Variants in HECTD4 observed in about 807,000 individuals in gnomAD.
The protein encoded by HECTD4 is HECT domain E3 ubiquitin protein ligase 4, also known as probable E3 ubiquitin-protein ligase HECTD4.
In HECTD4, 114 loss-of-function variants were observed where a neutral mutation model predicts 471.5. That is an observed-to-expected ratio of 0.24 (90% CI 0.21 to 0.28). The LOEUF is 0.28. Ranked by LOEUF, HECTD4 falls within the 10% of genes least tolerant of loss-of-function variation. The probability of loss-of-function intolerance (pLI) is 1.00; values close to 1 mark genes in which losing one functional copy is unlikely to be tolerated. For missense variants in HECTD4, 3,866 were observed against 5,651.5 expected, an observed-to-expected ratio of 0.68 and a Z score of 10.13; for synonymous variants, 2,012 against 2,256.0, an observed-to-expected ratio of 0.89 and a Z score of 3.07.
intron 50 of HECTD4, among the ~76,000 whole-genome samples, chr12:112,209,751 A>G (rs1283831826): frequency 2.0e-5 from 3 of 152,208 alleles, no homozygotes; most frequent in African/African-American, 7.2e-5. Context: ...ACTTCATACA[A>G]AGTCCTGGGG....
In HECTD4 at chr12:112,195,322, C is replaced by T. The variant is rs140434027; in HGVS notation, c.8568-256G>A. 8.0e-3 allele frequency among the ~76,000 whole-genome samples: 1,223 copies of T among 152,292 alleles called. 6 individuals carry two copies. The highest frequency in any genetic ancestry group is 0.014 in the Non-Finnish European group (925 of 68,028). On this transcript the variant is annotated intron_variant, in intron 55 of 75. Coordinates refer to ENST00000682272, the MANE Select transcript of HECTD4 (RefSeq NM_001388303.1). The stretch of plus-strand genomic sequence containing the variant: ...ATACATGTCCGCACAAAAATTTGTA[C>T]ATGTATGTTCATAGTAGCATTATTC...
Position 112,324,036 on chromosome 12 carries a change from TC to T in HECTD4, c.178-4295del, listed in dbSNP as rs1412122337. On this transcript the variant is annotated intron_variant, in intron 1 of 75. Transcript: ENST00000682272. ...TTCCTTCCTTCCTTCCTTCCTTCCT[TC>T]CTTCCTTCCTTTCTTTCTTTCTTTC... Among the ~76,000 whole-genome samples, 3 of 54,804 alleles carry T rather than the reference TC, an allele frequency of 5.5e-5. 1 individual carries two copies. Among genetic ancestry groups the T allele is most frequent in the Admixed American group, 4.2e-4 (2 of 4,766 alleles). 36.0% of individuals were successfully genotyped at this position (54,804 alleles called of 152,430 possible). A position where few individuals can be genotyped will look rare whatever the true frequency, so the allele number is the denominator to read the frequency against.
chr12:112,350,682 G>C (rs1187840453), intron 1 of HECTD4, among the ~76,000 whole-genome samples: 1 of 152,122 alleles, frequency 6.6e-6, no homozygotes, highest in Non-Finnish European at 1.5e-5. Context: ...AAGTGAGTAA[G>C]ACTTTATTTC....
intron 18 of HECTD4, among the ~76,000 whole-genome samples, chr12:112,260,357 C>G (rs1003602413): frequency 3.3e-5 from 5 of 152,168 alleles, no homozygotes; most frequent in Non-Finnish European, 5.9e-5. Flanking sequence ...GACAGAACTA[C>G]GTATTACTAA....
At position 112,239,186 on chromosome 12, in the gene HECTD4, C is replaced by T. The variant is rs768327124; in HGVS notation, c.5156G>A (p.Arg1719Gln). Residue 1719 changes from arginine (R) to glutamine (Q), a missense_variant, in exon 34 of 76, where the codon CGA becomes CAA. Around this residue, in one of 16 missense-constraint regions of HECTD4, gnomAD observed 229 missense variants for 386.4 expected, o/e 0.59. Coordinates refer to ENST00000682272, the MANE Select transcript of HECTD4 (RefSeq NM_001388303.1). This position sits in a 1 kb window ranked among gnomAD's most constrained non-coding sequence, Gnocchi z 4.9. ...VRSGLVQLMD[R>Q]LCSLSNQTES... ...GGTCTGATTGCTCAAGCTACACAGT[C>T]GATCCATGAGCTGCACAAGGCCACT... 2.6e-5 allele frequency: 42 copies of T among 1,613,594 alleles called. No homozygotes were observed. The South Asian group carries it at 3.3e-4, about 13-fold the overall frequency.
At chr12:112,232,889 G>T in intron 38 of HECTD4, 115 bp downstream of exon 38, 1 of 835,994 alleles carries the variant, frequency 1.2e-6, no homozygotes, top group Non-Finnish European at 1.9e-6. Flanking sequence ...TTCTCACCTT[G>T]CCTCTTCGTT....
intron 1 of HECTD4, among the ~76,000 whole-genome samples, chr12:112,363,522 G>C (rs1280988524): frequency 2.6e-5 from 4 of 152,094 alleles, no homozygotes; most frequent in African/African-American, 9.7e-5. Context: ...CTTGATCATA[G>C]AACAACTAAG....
In HECTD4 at chr12:112,238,089, C is replaced by T. The variant is rs905454248; in HGVS notation, c.5290+963G>A. Among the ~76,000 whole-genome samples the T allele has an allele frequency of 6.6e-5, 10 of 152,102 alleles. 1 individual carries two copies. Among genetic ancestry groups the T allele is most frequent in the Non-Finnish European group, 1.3e-4 (9 of 68,028 alleles). On this transcript the variant is annotated intron_variant, in intron 34 of 75. Transcript: ENST00000682272. Reference sequence around the variant, plus strand: ...CATATTTTTAAAGGGAGGAATAATGCCTTATTTATCTTTTGCCTGGCATAT... The same window carrying T: ...CATATTTTTAAAGGGAGGAATAATGTCTTATTTATCTTTTGCCTGGCATAT...
In HECTD4 at chr12:112,216,797, G is replaced by A; in HGVS notation, c.7361C>T (p.Pro2454Leu). Residue 2454 changes from proline (P) to leucine (L), a missense_variant, in exon 47 of 76, where the codon CCA becomes CTA. By Grantham distance (98) the Pro-to-Leu change is moderately conservative. Transcript: ENST00000682272. ...CTTATGGAAAAGACAAGTGCCCACT[G>A]GATTAGTCCAAGCCCCATCTCGCTT... ...AEKRDGAWTN[P>L]VGTCLFHNNG... 1 of 1,613,950 alleles carries A rather than the reference G, an allele frequency of 6.2e-7. No individual in the cohort carries two copies. Among genetic ancestry groups the A allele is most frequent in the Non-Finnish European group, 8.5e-7 (1 of 1,179,860 alleles).
chr12:112,292,112 T>C (rs1266582477), intron 7 of HECTD4, among the ~76,000 whole-genome samples: 1 of 152,118 alleles, frequency 6.6e-6, no homozygotes, highest in Non-Finnish European at 1.5e-5. Context: ...TGCAAGGCCC[T>C]ATAAGATATG....
At chr12:112,300,018 A>G (rs1429424413) in intron 7 of HECTD4, among the ~76,000 whole-genome samples, 1 of 152,180 alleles carries the variant, frequency 6.6e-6, no homozygotes. Context: ...CTGAACTATT[A>G]AAAAGGAAGA....
chr12:112,170,528 G>T lies in HECTD4; in HGVS notation c.11933-76C>A. 1.9e-6 allele frequency: 3 copies of T among 1,553,950 alleles called. No homozygotes were observed. In the South Asian group the frequency reaches 3.5e-5, roughly 18 times the overall value. The stretch of plus-strand genomic sequence containing the variant: ...CCCAGTCCCCCCAAGACTCTCTTCC[G>T]GTCCCTGGGTGTGGCACTCTCAGGC... On this transcript the variant is annotated intron_variant, in intron 68 of 75. Coordinates refer to ENST00000682272, the MANE Select transcript of HECTD4 (RefSeq NM_001388303.1).
Position 112,217,074 on chromosome 12 carries a change from C to G in HECTD4, c.7196G>C (p.Arg2399Pro). ...TGAAGTGGCATAGATAAAAGTGCCCCGGGGCAGGCCTCCCCCAGCGCTGGG... is the reference window on the plus strand; with the variant it reads ...TGAAGTGGCATAGATAAAAGTGCCCGGGGGCAGGCCTCCCCCAGCGCTGGG... ...ADPSAGGGLPRGTFIYATSPL... is the reference protein window; with the variant it reads ...ADPSAGGGLPPGTFIYATSPL... Residue 2399 changes from arginine (R) to proline (P), a missense_variant, in exon 46 of 76, where the codon CGG becomes CCG. Physicochemically the swap from Arg to Pro is moderately radical, Grantham distance 103. Around this residue, in one of 16 missense-constraint regions of HECTD4, gnomAD observed 617 missense variants for 915.1 expected, o/e 0.67. Coordinates refer to ENST00000682272, the MANE Select transcript of HECTD4 (RefSeq NM_001388303.1). The G allele has an allele frequency of 1.3e-6, 2 of 1,583,858 alleles. No homozygotes were observed. The highest frequency in any genetic ancestry group is 1.7e-6 in the Non-Finnish European group (2 of 1,164,500).
chr12:112,312,314 TG>T (rs2035389582), intron 4 of HECTD4, among the ~76,000 whole-genome samples: 1 of 152,198 alleles, frequency 6.6e-6, no homozygotes, highest in African/African-American at 2.4e-5. Context: ...CAAACTGGTT[TG>T]GGAGCAAGCC....
Position 112,243,276 on chromosome 12 carries a change from T to C in HECTD4, c.4958+77A>G. 1 of 1,307,180 alleles carries C rather than the reference T, an allele frequency of 7.7e-7. No individual in the cohort carries two copies. The highest frequency in any genetic ancestry group is 1.1e-6 in the Non-Finnish European group (1 of 944,886). 81.0% of individuals were successfully genotyped at this position (1,307,180 alleles called of 1,614,324 possible). A position where few individuals can be genotyped will look rare whatever the true frequency, so the allele number is the denominator to read the frequency against. On this transcript the variant is annotated intron_variant, in intron 32 of 75. Transcript: ENST00000682272. The surrounding 1 kb of genome is among the most constrained non-coding windows in gnomAD (Gnocchi z 6.6). The stretch of plus-strand genomic sequence containing the variant: ...CATTAGCAAATACTACCGCCTATGT[T>C]TGGGTCCCAAGAATAATCTTTTGAA...
Position 112,226,625 on chromosome 12 carries a change from G to A in HECTD4, c.6970+18C>T, listed in dbSNP as rs754791864. On this transcript the variant is annotated intron_variant, in intron 44 of 75. Coordinates refer to ENST00000682272, the MANE Select transcript of HECTD4 (RefSeq NM_001388303.1). ...AAATTCAATAAAACAGGGTGGTAAGGCAAGTTCAGGTACTCACCAGCACTA... is the reference window on the plus strand; with the variant it reads ...AAATTCAATAAAACAGGGTGGTAAGACAAGTTCAGGTACTCACCAGCACTA... 7.9e-6 allele frequency: 12 copies of A among 1,523,340 alleles called. No homozygotes were observed. Among genetic ancestry groups the A allele is most frequent in the East Asian group, 2.3e-5 (1 of 44,056 alleles). The allele number at this position is 1,523,340 out of a possible 1,614,324, so 94.4% of individuals were successfully genotyped here.
In HECTD4 at chr12:112,162,814, A is replaced by G; in HGVS notation, c.13120+228T>C. 1.8e-6 allele frequency: 1 copy of G among 552,088 alleles called. No homozygotes were observed. Among genetic ancestry groups the G allele is most frequent in the Non-Finnish European group, 3.2e-6 (1 of 315,528 alleles). The allele number at this position is 552,088 out of a possible 1,614,324, so 34.2% of individuals were successfully genotyped here. A position where few individuals can be genotyped will look rare whatever the true frequency, so the allele number is the denominator to read the frequency against. On this transcript the variant is annotated intron_variant, in intron 75 of 75. Transcript: ENST00000682272. The surrounding 1 kb of genome is among the most constrained non-coding windows in gnomAD (Gnocchi z 5.2). The stretch of plus-strand genomic sequence containing the variant: ...TTTTTCTGCATTTAAAAGTTAGAAG[A>G]TTTGAAGCATTCTGGATTTTCAGCT...
At chr12:112,379,800 C>G (rs952399438) in intron 1 of HECTD4, among the ~76,000 whole-genome samples, 1 of 151,640 alleles carries the variant, frequency 6.6e-6, no homozygotes, top group Non-Finnish European at 1.5e-5. Flanking sequence ...ATCTATTTCT[C>G]CTGATACCAT....
intron 1 of HECTD4, among the ~76,000 whole-genome samples, chr12:112,330,691 A>G (rs571555668): frequency 6.6e-6 from 1 of 152,324 alleles, no homozygotes; most frequent in African/African-American, 2.4e-5. Context: ...AGTGTCTGGC[A>G]CATAAATGTT....
Sources: gnomAD v4.1 joint callset for allele counts (sites outside exome capture counted in the v4.1 genomes callset) on GRCh38, gnomAD v4.1.1 for gene constraint, gnomAD v4.1.1 regional missense constraint, Gnocchi (gnomAD v3.1) non-coding constraint, MANE v1.5 for transcripts, NCBI Gene and HGNC (gene_info 2026-07-23, HGNC 2026-07-21) for gene names.